Variants in DRD3 observed in about 807,000 individuals in gnomAD.
The protein encoded by DRD3 is D(3) dopamine receptor.
In DRD3, 19 loss-of-function variants were observed where a neutral mutation model predicts 36.3. The observed-to-expected ratio is 0.52, with a 90% CI of 0.36 to 0.77. The LOEUF (loss-of-function observed/expected upper bound fraction) is 0.77, where lower values mean the gene tolerates loss of function less well. Ranked by LOEUF, DRD3 falls within the 30% of genes least tolerant of loss-of-function variation. The pLI is 0.00. For missense variants in DRD3, 465 were observed against 505.3 expected (o/e 0.92, Z 0.77); for synonymous variants, 195 against 203.7 (o/e 0.96, Z 0.36).
intron 4 of DRD3, among the ~76,000 whole-genome samples, chr3:114,145,672 C>G (rs2077564071): frequency 6.6e-6 from 1 of 152,050 alleles, no homozygotes; most frequent in African/African-American, 2.4e-5. Context: ...ATTCTAAAGT[C>G]AATAAATAAA....
intron 3 of DRD3, among the ~76,000 whole-genome samples, chr3:114,153,596 A>AGGTT (rs113212552): frequency 0.024 from 3,729 of 152,316 alleles, 149 homozygotes; most frequent in African/African-American, 0.085. Context: ...AGGCTCTGAC[A>AGGTT]GGTTAATTGA....
At chr3:114,164,143 C>A (rs1240743907) in intron 2 of DRD3, among the ~76,000 whole-genome samples, 1 of 141,458 alleles carries the variant, frequency 7.1e-6, no homozygotes, top group Non-Finnish European at 1.5e-5. Flanking sequence ...ATTGCTTGAA[C>A]CCGGGAGGCG....
intron 1 of DRD3, among the ~76,000 whole-genome samples, chr3:114,196,278 A>C (rs1333319365): frequency 6.6e-6 from 1 of 152,070 alleles, no homozygotes; most frequent in African/African-American, 2.4e-5. Flanking sequence ...CTTTGTATGG[A>C]TATATGCTTC....
intron 1 of DRD3, among the ~76,000 whole-genome samples, chr3:114,192,667 C>T (rs1289006884): frequency 6.6e-6 from 1 of 152,124 alleles, no homozygotes; most frequent in Non-Finnish European, 1.5e-5. Context: ...AGATGTTCAT[C>T]GAGCTTCCAA....
intron 1 of DRD3, among the ~76,000 whole-genome samples, chr3:114,175,410 T>C (rs181503031): frequency 1.3e-5 from 2 of 152,218 alleles, no homozygotes; most frequent in Admixed American, 1.3e-4. Flanking sequence ...CTTAATGTCA[T>C]CATGTCAACA....
At chr3:114,194,292 T>G (rs113739307) in intron 1 of DRD3, among the ~76,000 whole-genome samples, 6 of 152,098 alleles carry the variant, frequency 3.9e-5, no homozygotes, top group Admixed American at 1.3e-4. Flanking sequence ...TTGTTTGTTT[T>G]TGTTTTTTGA....
At chr3:114,170,068 A>C (rs555532256) in intron 2 of DRD3, among the ~76,000 whole-genome samples, 120 of 152,370 alleles carry the variant, frequency 7.9e-4, no homozygotes, top group African/African-American at 2.7e-3. Flanking sequence ...AGATGATGAC[A>C]GTGCTATGAG....
intron 3 of DRD3, among the ~76,000 whole-genome samples, chr3:114,153,809 C>G (rs983026488): frequency 1.3e-5 from 2 of 150,228 alleles, no homozygotes; most frequent in African/African-American, 2.5e-5. Context: ...CCTACCCATT[C>G]TAGTCTCAGC....
intron 1 of DRD3, among the ~76,000 whole-genome samples, chr3:114,189,351 T>C (rs1247812242): frequency 6.6e-6 from 1 of 152,230 alleles, no homozygotes; most frequent in Non-Finnish European, 1.5e-5. Flanking sequence ...AGTTGAAGAC[T>C]GGAGTTTTGT....
chr3:114,155,622 A>G (rs141971022), intron 3 of DRD3, among the ~76,000 whole-genome samples: 39 of 149,812 alleles, frequency 2.6e-4, no homozygotes, highest in African/African-American at 9.4e-4. Flanking sequence ...CTTCTGGCCA[A>G]CTCTAGGCTT....
intron 6 of DRD3, among the ~76,000 whole-genome samples, chr3:114,130,338 T>G (rs1238663733): frequency 1.3e-5 from 2 of 152,082 alleles, no homozygotes; most frequent in African/African-American, 4.8e-5. Context: ...AAAAAAGGAA[T>G]AAGCACCCAC....
chr3:114,140,919 G>T (rs551987073), intron 4 of DRD3, among the ~76,000 whole-genome samples: 23 of 152,336 alleles, frequency 1.5e-4, no homozygotes, highest in Admixed American at 1.3e-3. Flanking sequence ...CCCTTATTCT[G>T]CTTCTTGGTC....
At chr3:114,134,997 C>T (rs1425041197) in intron 5 of DRD3, among the ~76,000 whole-genome samples, 1 of 152,210 alleles carries the variant, frequency 6.6e-6, no homozygotes, top group Non-Finnish European at 1.5e-5. Context: ...AGTCACCCTA[C>T]TGTGCTATTA....
chr3:114,164,412 A>T (rs1459185768), intron 2 of DRD3, among the ~76,000 whole-genome samples: 2 of 152,058 alleles, frequency 1.3e-5, no homozygotes, highest in Non-Finnish European at 2.9e-5. Flanking sequence ...GAAGTTGAGT[A>T]AGCAGGAAAG....
At chr3:114,168,765 A>G (rs1301908682) in intron 2 of DRD3, among the ~76,000 whole-genome samples, 1 of 152,244 alleles carries the variant, frequency 6.6e-6, no homozygotes, top group African/African-American at 2.4e-5. Context: ...AATTCTGGTT[A>G]TTTGAAAAAC....
intron 6 of DRD3, among the ~76,000 whole-genome samples, chr3:114,130,398 T>A (rs560842147): frequency 6.6e-6 from 1 of 152,054 alleles, no homozygotes. Flanking sequence ...TTTCCAGTCT[T>A]TTTTACTCTG....
intron 4 of DRD3, among the ~76,000 whole-genome samples, chr3:114,146,866 T>G (rs2077574275): frequency 6.6e-6 from 1 of 152,100 alleles, no homozygotes; most frequent in Non-Finnish European, 1.5e-5. Flanking sequence ...ACCCAGGAGA[T>G]GTACCATGTG....
intron 1 of DRD3, among the ~76,000 whole-genome samples, chr3:114,196,960 A>AT (rs1004730306): frequency 1.3e-5 from 2 of 150,010 alleles, no homozygotes; most frequent in East Asian, 3.9e-4. Context: ...TCTTTTTTAA[A>AT]TTTATTTTTA....
intron 4 of DRD3, among the ~76,000 whole-genome samples, 194 bp from the exon 5 acceptor site, chr3:114,139,890 AG>A (rs1275163391): frequency 2.0e-5 from 3 of 152,354 alleles, no homozygotes; most frequent in Non-Finnish European, 4.4e-5. Flanking sequence ...AGTTTCTTAC[AG>A]CTTGCTTAAA....
Sources: allele counts gnomAD v4.1 joint callset (sites outside exome capture counted in the v4.1 genomes callset), GRCh38; gene constraint gnomAD v4.1.1; transcripts MANE v1.5; gene names NCBI Gene and HGNC (gene_info 2026-07-23, HGNC 2026-07-21).